The following PPME1 variants were observed in gnomAD, a reference collection of about 807,000 sequenced individuals.
The protein encoded by PPME1 is protein phosphatase methylesterase 1, also known as testicular secretory protein Li 39.
A neutral mutation model predicts 56.9 loss-of-function variants in PPME1; 17 were observed. The ratio of observed to expected loss-of-function variants is 0.30; its 90% CI spans 0.20 to 0.45. PPME1 has a LOEUF of 0.45. PPME1 is among the 20% of genes least tolerant of loss of function. PPME1 has a pLI of 1.00. For missense variants in PPME1, 357 were observed against 483.2 expected (o/e 0.74, Z 2.45); for synonymous variants, 122 against 156.2 (o/e 0.78, Z 1.63).
intron 8 of PPME1, among the ~76,000 whole-genome samples, chr11:74,237,222 C>A (rs1012607198): frequency 6.7e-6 from 1 of 150,074 alleles, no homozygotes; most frequent in African/African-American, 2.5e-5. Context: ...TGCAAGAATA[C>A]TTGATAGGTG....
rs755625023 is a variant in PPME1, at chr11:74,239,143, A to G, written c.721A>G (p.Ile241Val). 2 of 1,612,468 alleles carry G rather than the reference A, an allele frequency of 1.2e-6. No homozygotes were observed. The highest frequency in any genetic ancestry group is 1.7e-5 in the Admixed American group (1 of 59,616). Reference sequence around the variant, plus strand: ...TTTAAAAAAACCTAGGTGTGAAGGAATTACAAGTCCAGAAGGCTCAAAATC... The same window carrying G: ...TTTAAAAAAACCTAGGTGTGAAGGAGTTACAAGTCCAGAAGGCTCAAAATC... ...MVGQVKQCEG[I>V]TSPEGSKSIV... Residue 241 changes from isoleucine to valine, a missense_variant, in exon 9 of 14, where the codon ATT becomes GTT. Physicochemically the swap from Ile to Val is conservative, Grantham distance 29 (BLOSUM62 3). This residue lies in a region of PPME1 where 182 missense variants were observed against 293.8 expected (regional missense o/e 0.62). Coordinates refer to ENST00000328257, the MANE Select transcript of PPME1 (RefSeq NM_016147.3).
chr11:74,236,670 C>T (rs969431865), intron 8 of PPME1, among the ~76,000 whole-genome samples: 1 of 152,106 alleles, frequency 6.6e-6, no homozygotes, highest in South Asian at 2.1e-4. Flanking sequence ...CCCCAGTGTT[C>T]CCATTGTCCA....
At chr11:74,238,334 C>T (rs972542867) in intron 8 of PPME1, 3 of 152,146 alleles carry the variant, frequency 2.0e-5, no homozygotes, top group Non-Finnish European at 4.4e-5. Flanking sequence ...AAATCTACCG[C>T]TGACTTTTGA....
intron 9 of PPME1, among the ~76,000 whole-genome samples, chr11:74,239,940 C>A (rs1039556850): frequency 6.6e-6 from 1 of 150,376 alleles, no homozygotes; most frequent in Non-Finnish European, 1.5e-5. Context: ...CTTGAGGAAG[C>A]TCTTTAATTT....
chr11:74,177,777 G>A (rs1857437495), intron 1 of PPME1, among the ~76,000 whole-genome samples: 1 of 152,078 alleles, frequency 6.6e-6, no homozygotes, highest in Non-Finnish European at 1.5e-5. Flanking sequence ...TTATGATGTT[G>A]AATGTTCCTT....
At chr11:74,213,642 C>A (rs1197881746) in intron 3 of PPME1, among the ~76,000 whole-genome samples, 3 of 152,162 alleles carry the variant, frequency 2.0e-5, no homozygotes, top group Non-Finnish European at 2.9e-5. Flanking sequence ...AGAGAGAGAC[C>A]CCATTTATTT....
intron 4 of PPME1, 122 bp downstream of exon 4, chr11:74,222,491 T>A: frequency 1.1e-6 from 1 of 885,188 alleles, no homozygotes; most frequent in Non-Finnish European, 1.8e-6. Flanking sequence ...ATTTGAGCTT[T>A]TTGTTGTTGT....
intron 2 of PPME1, among the ~76,000 whole-genome samples, 151 bp from the exon 3 acceptor site, chr11:74,204,200 CAG>C (rs969781088): frequency 4.6e-5 from 7 of 150,562 alleles, no homozygotes; most frequent in East Asian, 3.9e-4. Context: ...ATGCTTCAAA[CAG>C]AGGGTTAGTG....
At chr11:74,240,352 A>G (rs1471655184) in intron 9 of PPME1, among the ~76,000 whole-genome samples, 1 of 152,204 alleles carries the variant, frequency 6.6e-6, no homozygotes, top group Non-Finnish European at 1.5e-5. Context: ...GATGTTCTGC[A>G]TGAATTTCCC....
At chr11:74,193,223 CA>C (rs1232226153) in intron 1 of PPME1, among the ~76,000 whole-genome samples, 2 of 152,202 alleles carry the variant, frequency 1.3e-5, no homozygotes, top group African/African-American at 4.8e-5. Flanking sequence ...CGTGTAAGTT[CA>C]ATCAGGAATG....
At chr11:74,220,658 C>T (rs185796541) in intron 3 of PPME1, among the ~76,000 whole-genome samples, 64 of 152,286 alleles carry the variant, frequency 4.2e-4, no homozygotes, top group Non-Finnish European at 8.4e-4. Context: ...TTAGGTAATT[C>T]ATCTGAAGCA....
rs1565371876 is a variant in PPME1 at position 74,173,008 on chromosome 11, AC to A, written c.101+1488del. Among the ~76,000 whole-genome samples the A allele has an allele frequency of 2.0e-5, 3 of 152,178 alleles. No homozygotes were observed. The East Asian group carries it at 5.8e-4, about 29-fold the overall frequency. ...AGGAATGGGAAAAATGGGTGGAAAA[AC>A]CAGGGAAGGAAACTAAGAATTGAGT... is the stretch of plus-strand genomic sequence containing the variant. On this transcript the variant is annotated intron_variant, in intron 1 of 13. Transcript: ENST00000328257.
At chr11:74,196,118 A>G (rs1310255622) in intron 1 of PPME1, among the ~76,000 whole-genome samples, 1 of 152,206 alleles carries the variant, frequency 6.6e-6, no homozygotes, top group Non-Finnish European at 1.5e-5. Context: ...CATAGCTTGT[A>G]ATTATTGGAA....
chr11:74,249,230 T>C (rs529054897), intron 11 of PPME1: 1 of 152,334 alleles, frequency 6.6e-6, no homozygotes, highest in South Asian at 2.1e-4. Context: ...TAAGGCTGCA[T>C]AGATTCCAAA....
chr11:74,190,458 C>T (rs758857929), intron 1 of PPME1, among the ~76,000 whole-genome samples: 12 of 152,186 alleles, frequency 7.9e-5, no homozygotes, highest in East Asian at 3.8e-4. Flanking sequence ...TACCTTCCAC[C>T]GTGATTGTAA....
intron 7 of PPME1, 163 bp from the exon 8 acceptor site, chr11:74,235,738 T>C: frequency 9.0e-7 from 1 of 1,112,622 alleles, no homozygotes; most frequent in Non-Finnish European, 1.2e-6. Flanking sequence ...TATAAAACCA[T>C]GTAGCCAGGT....
At chr11:74,229,047 A>C (rs1416783373) in intron 5 of PPME1, among the ~76,000 whole-genome samples, 1 of 152,126 alleles carries the variant, frequency 6.6e-6, no homozygotes, top group Non-Finnish European at 1.5e-5. Flanking sequence ...TGGCCTCCCT[A>C]TCTCCCATTC....
At chr11:74,177,293 T>G (rs1857423106) in intron 1 of PPME1, among the ~76,000 whole-genome samples, 1 of 152,036 alleles carries the variant, frequency 6.6e-6, no homozygotes, top group African/African-American at 2.4e-5. Flanking sequence ...AAACCTCTTC[T>G]CTACAAAAAT....
At position 74,230,528 on chromosome 11, in the gene PPME1, TTTTTAAGTTTATACAAGATA is replaced by T; in HGVS notation, c.553+130_553+149del. The T allele has an allele frequency of 1.7e-6, 2 of 1,149,016 alleles. No homozygotes were observed. Among genetic ancestry groups the T allele is most frequent in the Non-Finnish European group, 2.5e-6 (2 of 809,086 alleles). The allele number at this position is 1,149,016 out of a possible 1,614,324, so 71.2% of individuals were successfully genotyped here. On this transcript the variant is annotated intron_variant, in intron 6 of 13. Coordinates refer to ENST00000328257, the MANE Select transcript of PPME1 (RefSeq NM_016147.3). This position sits in a 1 kb window ranked among gnomAD's most constrained non-coding sequence, Gnocchi z 4.9. ...AATATGTCCCTCTGTCTTTATATCT[TTTTTAAGTTTATACAAGATA>T]ACCATTTTTCCATGTCATCAAAAAC... is the stretch of plus-strand genomic sequence containing the variant.
Sources: allele counts gnomAD v4.1 joint callset (sites outside exome capture counted in the v4.1 genomes callset), GRCh38; gene constraint gnomAD v4.1.1; regional missense constraint gnomAD v4.1.1; non-coding constraint Gnocchi (gnomAD v3.1); transcripts MANE v1.5; gene names NCBI Gene and HGNC (gene_info 2026-07-23, HGNC 2026-07-21).